KNDC1: variants seen among roughly 807,000 people sequenced by gnomAD.
KNDC1 encodes kinase non-catalytic C-lobe domain containing 1.
KNDC1 carries 106 observed loss-of-function variants against 172.8 expected under a neutral mutation model. The observed-to-expected ratio is 0.61, with a 90% CI of 0.52 to 0.72. The LOEUF (loss-of-function observed/expected upper bound fraction) is 0.72. KNDC1 is among the 30% of genes least tolerant of loss of function. The pLI is 0.00. For synonymous variants in KNDC1, 1,083 were observed against 1,062.2 expected, an observed-to-expected ratio of 1.02 and a Z score of -0.38; for missense variants, 2,325 against 2,394.5, an observed-to-expected ratio of 0.97 and a Z score of 0.61.
At chr10:133,199,717 C>A in intron 15 of KNDC1, 115 bp downstream of exon 15, 2 of 1,216,870 alleles carry the variant, frequency 1.6e-6, no homozygotes, top group Non-Finnish European at 2.3e-6. Flanking sequence ...TTCCATCTCG[C>A]TGCTGTCTCC....
At position 133,167,497 on chromosome 10, in the gene KNDC1, C is replaced by T. The variant is rs780413510; in HGVS notation, c.219C>T (p.Ala73=). The T allele has an allele frequency of 7.5e-6, 12 of 1,605,592 alleles. No individual in the cohort carries two copies. The highest frequency in any genetic ancestry group is 1.3e-5 in the African/African-American group (1 of 74,846). The change falls in exon 2 of 30, where the codon GCC becomes GCT. Residue 73 remains alanine, a synonymous_variant. Transcript: ENST00000304613. ...CCATGCGGAGCGTGGCCCACGCCGC[C>T]ATCTTCCAGAGCCTGTGCATCACGC... The part of the protein sequence containing the change: ...SLSMRSVAHA[A]IFQSLCITPD...
chr10:133,213,745 T>A lies in KNDC1; in HGVS notation c.4526+18T>A. ...ATCCCCAAGTGAGCGTCCGGGACCC[T>A]CAGCTGGGAGCGGTGGTGGAGGGTC... On this transcript the variant is annotated intron_variant, in intron 25 of 29. Coordinates refer to ENST00000304613, the MANE Select transcript of KNDC1 (RefSeq NM_152643.8). The A allele has an allele frequency of 6.2e-7, 1 of 1,612,026 alleles. No homozygotes were observed. Among genetic ancestry groups the A allele is most frequent in the Non-Finnish European group, 8.5e-7 (1 of 1,178,474 alleles).
intron 3 of KNDC1, among the ~76,000 whole-genome samples, chr10:133,177,256 G>A (rs1170879713): frequency 2.0e-5 from 3 of 151,736 alleles, no homozygotes; most frequent in Non-Finnish European, 2.9e-5. Context: ...GATATAGTGT[G>A]TTTTGTGTGC....
chr10:133,213,578 A>G, intron 24 of KNDC1, 67 bp from the exon 25 acceptor site: 2 of 1,395,488 alleles, frequency 1.4e-6, no homozygotes, highest in Admixed American at 1.7e-5. Flanking sequence ...CCTCCCTGGG[A>G]CCCTGCCTTG....
intron 28 of KNDC1, 28 bp from the exon 29 acceptor site, chr10:133,219,927 C>G: frequency 6.5e-7 from 1 of 1,542,798 alleles, no homozygotes; most frequent in Non-Finnish European, 8.8e-7. Context: ...CTGTCTCTCC[C>G]CGGCCCACGC....
chr10:133,209,884 C>G lies in KNDC1; in HGVS notation c.3795-727C>G, dbSNP rs910642517. Among the ~76,000 whole-genome samples, 2 of 152,046 alleles carry G rather than the reference C, an allele frequency of 1.3e-5. No individual in the cohort carries two copies. The highest frequency in any genetic ancestry group is 2.9e-5 in the Non-Finnish European group (2 of 67,982). The stretch of plus-strand genomic sequence containing the variant: ...GCCTCCGCTTCCTGACCGTGGCCGT[C>G]GGGCTCCCAGGACAGTCCCAGACCT... On this transcript the variant is annotated intron_variant, in intron 20 of 29. Transcript: ENST00000304613. This position sits in a 1 kb window ranked among gnomAD's most constrained non-coding sequence, Gnocchi z 4.9.
intron 6 of KNDC1, among the ~76,000 whole-genome samples, chr10:133,187,819 C>T (rs1197172616): frequency 1.3e-5 from 2 of 152,170 alleles, no homozygotes; most frequent in East Asian, 1.9e-4. Context: ...CACAGCTCAG[C>T]GGCATTGGGT....
chr10:133,208,360 A>G (rs865872401), intron 20 of KNDC1, among the ~76,000 whole-genome samples: 75 of 5,622 alleles, frequency 0.013, 2 homozygotes, highest in African/African-American at 0.052. Context: ...TGGCCCCCCC[A>G]ACCCCGTTAC....
chr10:133,199,433 T>G, intron 14 of KNDC1, 25 bp from the exon 15 acceptor site: 2 of 1,611,022 alleles, frequency 1.2e-6, no homozygotes, highest in South Asian at 2.2e-5. Context: ...CCATCTCACT[T>G]GTCTCCATCG....
At chr10:133,213,582 T>A (rs1313338824) in intron 24 of KNDC1, 63 bp from the exon 25 acceptor site, 2 of 1,435,850 alleles carry the variant, frequency 1.4e-6, no homozygotes, top group African/African-American at 1.4e-5. Flanking sequence ...CCTGGGACCC[T>A]GCCTTGGACA....
At chr10:133,171,470 C>T (rs957082716) in intron 3 of KNDC1, among the ~76,000 whole-genome samples, 10 of 152,204 alleles carry the variant, frequency 6.6e-5, no homozygotes, top group Non-Finnish European at 1.3e-4. Flanking sequence ...TGGGGTCTCA[C>T]TCTGTTGCCC....
At position 133,195,741 on chromosome 10, in the gene KNDC1, C is replaced by A; in HGVS notation, c.1654C>A (p.Pro552Thr). ...CCCCCGCAACCACAAGCTGGCCCTG[C>A]CACGCAGGCTCAAGACCCTCCTCCT... ...SVPRNHKLAL[P>T]RRLKTLLLDM... The change falls in exon 10 of 30, where the codon CCA (proline) becomes ACA (threonine). Residue 552 changes from proline to threonine, a missense_variant. By Grantham distance (38) the Pro-to-Thr change is conservative. Transcript: ENST00000304613. The A allele has an allele frequency of 6.2e-7, 1 of 1,611,758 alleles. No homozygotes were observed. The highest frequency in any genetic ancestry group is 8.5e-7 in the Non-Finnish European group (1 of 1,179,362).
intron 17 of KNDC1, among the ~76,000 whole-genome samples, chr10:133,205,818 G>A (rs1845170812): frequency 6.6e-6 from 1 of 152,152 alleles, no homozygotes; most frequent in Non-Finnish European, 1.5e-5. Context: ...CTGGGCAGCA[G>A]AGCGAATCGG....
chr10:133,183,308 A>T, intron 3 of KNDC1, 36 bp from the exon 4 acceptor site: 1 of 1,558,912 alleles, frequency 6.4e-7, no homozygotes, highest in Non-Finnish European at 8.7e-7. Context: ...GCGCACACGC[A>T]GAGACTCTGG....
intron 3 of KNDC1, among the ~76,000 whole-genome samples, chr10:133,182,249 G>T (rs561694698): frequency 6.6e-6 from 1 of 151,910 alleles, no homozygotes; most frequent in Non-Finnish European, 1.5e-5. Flanking sequence ...GTTCTGTGAC[G>T]ATATCTTGAG....
chr10:133,206,115 G>A (rs1339920032), intron 17 of KNDC1, among the ~76,000 whole-genome samples: 1 of 152,162 alleles, frequency 6.6e-6, no homozygotes, highest in South Asian at 2.1e-4. Flanking sequence ...CAGGAGAATC[G>A]CTTGAACCTG....
At position 133,168,329 on chromosome 10, in the gene KNDC1, G is replaced by A. The variant is rs779709003; in HGVS notation, c.360+17G>A. 5.6e-6 allele frequency: 9 copies of A among 1,610,934 alleles called. No individual in the cohort carries two copies. The highest frequency in any genetic ancestry group is 7.6e-6 in the Non-Finnish European group (9 of 1,177,124). Reference sequence around the variant, plus strand: ...ACCTTTGAGGTAAGTGCAGGTGGGGGTAATGTGCCACACCCCCCTTTTACC... The same window carrying A: ...ACCTTTGAGGTAAGTGCAGGTGGGGATAATGTGCCACACCCCCCTTTTACC... On this transcript the variant is annotated intron_variant, in intron 3 of 29. Transcript: ENST00000304613.
At chr10:133,214,212 C>T (rs1463848947) in intron 26 of KNDC1, 90 bp downstream of exon 26, 2 of 1,420,050 alleles carry the variant, frequency 1.4e-6, no homozygotes, top group South Asian at 1.2e-5. Context: ...GTGGCCTGAA[C>T]CCTCTCCCAA....
Position 133,183,361 on chromosome 10 carries a change from G to T in KNDC1, c.378G>T (p.Leu126=). The T allele has an allele frequency of 6.3e-7, 1 of 1,596,824 alleles. No homozygotes were observed. ...GCCCACAGGCGCACATCTACTCTCT[G>T]GGGGCCACGCTGAAGGCCGCCCTCG... ...GNTFEAHIYS[L]GATLKAALEY... is the part of the protein sequence containing the mutation. Residue 126 remains leucine (L), a synonymous_variant, in exon 4 of 30, where the codon CTG becomes CTT. Transcript: ENST00000304613.
Sources: gnomAD v4.1 joint callset for allele counts (sites outside exome capture counted in the v4.1 genomes callset) on GRCh38, gnomAD v4.1.1 for gene constraint, Gnocchi (gnomAD v3.1) non-coding constraint, MANE v1.5 for transcripts, NCBI Gene and HGNC (gene_info 2026-07-23, HGNC 2026-07-21) for gene names.